PLCH1: variants seen among roughly 807,000 people sequenced by gnomAD.
The protein encoded by PLCH1 is phospholipase C eta 1, also known as 1-phosphatidylinositol 4,5-bisphosphate phosphodiesterase eta-1.
In PLCH1, 60 loss-of-function variants were observed where a neutral mutation model predicts 126.7. The ratio of observed to expected loss-of-function variants is 0.47; its 90% CI spans 0.38 to 0.59. The LOEUF (loss-of-function observed/expected upper bound fraction) is 0.59. Among genes scored for constraint, PLCH1 ranks in the 20% least tolerant of loss-of-function variants. The pLI, the probability that PLCH1 is intolerant of heterozygous loss-of-function variation, is 0.00. For missense variants in PLCH1, 1,723 were observed against 2,040.0 expected (o/e 0.84, Z 2.99); for synonymous variants, 719 against 734.9 (o/e 0.98, Z 0.35).
chr3:155,536,253 G>GA (rs1033697956), intron 10 of PLCH1, among the ~76,000 whole-genome samples: 217 of 152,232 alleles, frequency 1.4e-3, no homozygotes, highest in African/African-American at 5.1e-3. Context: ...CTGGCAATAT[G>GA]AAAAAGCAAG....
At chr3:155,635,121 G>C (rs891154290) in intron 2 of PLCH1, among the ~76,000 whole-genome samples, 3 of 145,532 alleles carry the variant, frequency 2.1e-5, no homozygotes, top group Admixed American at 1.4e-4. Flanking sequence ...CAGACTCAAC[G>C]TGTCATTCAT....
rs773993460 is a variant in PLCH1, at chr3:155,485,538, A to G, written c.2792T>C (p.Met931Thr). The change falls in exon 22 of 23, where the codon ATG (methionine) becomes ACG (threonine). Residue 931 changes from methionine (M) to threonine (T), a missense_variant. Transcript: ENST00000460012. ...RKKSKMGFQEMVEIKDSVSEA... is the reference protein window; with the variant it reads ...RKKSKMGFQETVEIKDSVSEA... ...GGACACAGAATCCTTTATCTCCACC[A>G]TTTCTTGGAAGCCCATTTTGCTCTT... 5.6e-6 allele frequency: 9 copies of G among 1,613,934 alleles called. No individual in the cohort carries two copies. The Admixed American group carries it at 1.3e-4, about 24-fold the overall frequency.
chr3:155,543,493 G>A (rs1254842976), intron 10 of PLCH1, among the ~76,000 whole-genome samples: 202 of 152,050 alleles, frequency 1.3e-3, no homozygotes, highest in African/African-American at 4.7e-3. Flanking sequence ...AACTTCCCCA[G>A]TCTAGCAAGG....
At chr3:155,574,237 T>A (rs1208297982) in intron 6 of PLCH1, among the ~76,000 whole-genome samples, 1 of 152,056 alleles carries the variant, frequency 6.6e-6, no homozygotes, top group Non-Finnish European at 1.5e-5. Context: ...TACATACAGT[T>A]TTATGCCAGG....
intron 21 of PLCH1, among the ~76,000 whole-genome samples, chr3:155,474,331 C>T (rs1713421853): frequency 6.7e-6 from 1 of 149,834 alleles, no homozygotes; most frequent in African/African-American, 2.4e-5. Context: ...AAAAAATGCT[C>T]ATCATCACTG....
At chr3:155,469,125 C>T (rs532641561) in intron 21 of PLCH1, among the ~76,000 whole-genome samples, 1 of 152,152 alleles carries the variant, frequency 6.6e-6, no homozygotes, top group Non-Finnish European at 1.5e-5. Context: ...ACGTGAGCGA[C>T]GCAGAAGACG....
intron 4 of PLCH1, 146 bp from the exon 5 acceptor site, chr3:155,586,340 G>T: frequency 1.4e-6 from 1 of 697,334 alleles, no homozygotes; most frequent in East Asian, 2.7e-5. Flanking sequence ...AGGCTCTGAT[G>T]AGCTACTAAT....
chr3:155,565,668 C>G (rs1055366866), intron 7 of PLCH1, among the ~76,000 whole-genome samples: 2 of 150,596 alleles, frequency 1.3e-5, no homozygotes, highest in African/African-American at 2.4e-5. Context: ...GTATTTCTTT[C>G]TTTCTTTCCT....
chr3:155,719,195 G>A (rs917326203), intron 1 of PLCH1, among the ~76,000 whole-genome samples: 10 of 152,094 alleles, frequency 6.6e-5, no homozygotes, highest in Admixed American at 2.0e-4. Flanking sequence ...AGTCCCCAAA[G>A]TCCATAGTAT....
At chr3:155,460,344 C>T (rs1273269011) in intron 21 of PLCH1, among the ~76,000 whole-genome samples, 2 of 152,090 alleles carry the variant, frequency 1.3e-5, no homozygotes, top group Admixed American at 1.3e-4. Flanking sequence ...GCACCAATAC[C>T]AGGGGACACA....
chr3:155,473,660 C>A (rs59738712), intron 21 of PLCH1, among the ~76,000 whole-genome samples: 4,738 of 149,328 alleles, frequency 0.032, 116 homozygotes, highest in African/African-American at 0.11. Flanking sequence ...GCATCACACT[C>A]CCTGACTTCA....
intron 10 of PLCH1, among the ~76,000 whole-genome samples, chr3:155,546,870 C>T (rs1725364553): frequency 1.4e-5 from 2 of 143,200 alleles, no homozygotes; most frequent in African/African-American, 5.2e-5. Flanking sequence ...CTTCCTTACA[C>T]CTTATACAAA....
chr3:155,563,948 T>TCTCTCA (rs1194569680), intron 8 of PLCH1, among the ~76,000 whole-genome samples: 6 of 152,178 alleles, frequency 3.9e-5, no homozygotes, highest in African/African-American at 1.4e-4. Context: ...TCTCTCTCTC[T>TCTCTCA]CTCTCACAGG....
At chr3:155,616,812 CTAAA>C (rs1237358183) in intron 2 of PLCH1, among the ~76,000 whole-genome samples, 4 of 152,014 alleles carry the variant, frequency 2.6e-5, no homozygotes, top group Non-Finnish European at 4.4e-5. Context: ...ATCACTTTGG[CTAAA>C]TAAATAAACT....
chr3:155,470,478 T>G (rs1460118576), intron 21 of PLCH1, among the ~76,000 whole-genome samples: 1 of 151,974 alleles, frequency 6.6e-6, no homozygotes, highest in African/African-American at 2.4e-5. Flanking sequence ...ATGGGGAGAA[T>G]GGAACCAAGT....
chr3:155,683,902 G>A (rs11928132), intron 2 of PLCH1, among the ~76,000 whole-genome samples: 1 of 152,168 alleles, frequency 6.6e-6, no homozygotes, highest in Non-Finnish European at 1.5e-5. Flanking sequence ...GGAGCTGGAT[G>A]ACTAGAGTGG....
intron 2 of PLCH1, among the ~76,000 whole-genome samples, chr3:155,626,768 C>CAAAAAAAAAAAA (rs71155058): frequency 2.0e-5 from 1 of 49,652 alleles, no homozygotes; most frequent in Non-Finnish European, 4.0e-5. Flanking sequence ...GACTCCGTCT[C>CAAAAAAAAAAAA]AAAAAAAAAA....
chr3:155,682,530 C>T (rs1744618325), intron 2 of PLCH1, among the ~76,000 whole-genome samples: 2 of 152,186 alleles, frequency 1.3e-5, no homozygotes, highest in African/African-American at 4.8e-5. Flanking sequence ...ATAAACTCTA[C>T]ACCTTACGAA....
chr3:155,579,894 T>TTCTCTCTCTC (rs772390671), intron 6 of PLCH1, among the ~76,000 whole-genome samples: 1 of 147,386 alleles, frequency 6.8e-6, no homozygotes, highest in Non-Finnish European at 1.5e-5. Context: ...CTGTCTCTCT[T>TTCTCTCTCTC]TCTCTCTCTC....
Sources: gnomAD v4.1 joint callset for allele counts (sites outside exome capture counted in the v4.1 genomes callset) on GRCh38, gnomAD v4.1.1 for gene constraint, MANE v1.5 for transcripts, NCBI Gene and HGNC (gene_info 2026-07-23, HGNC 2026-07-21) for gene names.